Variants in CSMD1 observed in about 807,000 individuals in gnomAD.
CSMD1 encodes CUB and Sushi multiple domains 1.
CSMD1 carries 213 observed loss-of-function variants against 417.5 expected under a neutral mutation model. The ratio of observed to expected loss-of-function variants is 0.51; its 90% CI spans 0.46 to 0.57. The LOEUF (loss-of-function observed/expected upper bound fraction) is 0.57, where lower values mean the gene tolerates loss of function less well. CSMD1 is among the 20% of genes least tolerant of loss of function. The probability of loss-of-function intolerance (pLI) is 0.00; values close to 1 mark genes in which losing one functional copy is unlikely to be tolerated. For synonymous variants in CSMD1, 2,862 were observed against 1,736.8 expected, an observed-to-expected ratio of 1.65 and a Z score of -16.11; for missense variants, 6,923 against 4,529.7, an observed-to-expected ratio of 1.53 and a Z score of -15.17.
chr8:3,938,272 G>C (rs1406134099), intron 5 of CSMD1, among the ~76,000 whole-genome samples: 2 of 152,094 alleles, frequency 1.3e-5, no homozygotes, highest in East Asian at 1.9e-4. Flanking sequence ...AATCTACAGA[G>C]CACAAGGGAA....
At chr8:3,920,547 T>A (rs574123674) in intron 5 of CSMD1, among the ~76,000 whole-genome samples, 1 of 152,154 alleles carries the variant, frequency 6.6e-6, no homozygotes, top group Non-Finnish European at 1.5e-5. Context: ...AGGCAACTTG[T>A]CTTGTTCTTA....
At position 3,329,892 on chromosome 8, in the gene CSMD1, C is replaced by T. The variant is rs77150422; in HGVS notation, c.3631+13402G>A. 8.2e-3 allele frequency among the ~76,000 whole-genome samples: 1,251 copies of T among 152,266 alleles called. 22 individuals carry two copies. Among genetic ancestry groups the T allele is most frequent in the African/African-American group, 0.028 (1,167 of 41,556 alleles). ...GTCTCTTTAGAGGCTCATGGAAATG[C>T]TTTGATTTCCTTAAATCAGAAGAAA... On this transcript the variant is annotated intron_variant, in intron 23 of 69. Transcript: ENST00000635120.
intron 3 of CSMD1, among the ~76,000 whole-genome samples, chr8:4,298,981 T>C (rs1337150666): frequency 6.6e-6 from 1 of 152,094 alleles, no homozygotes; most frequent in Non-Finnish European, 1.5e-5. Flanking sequence ...ATGAAAGTGT[T>C]GCTTTGCAGA....
intron 57 of CSMD1, among the ~76,000 whole-genome samples, chr8:2,971,940 T>C (rs1199122027): frequency 6.6e-6 from 1 of 152,160 alleles, no homozygotes; most frequent in Non-Finnish European, 1.5e-5. Context: ...TCTTGGATTA[T>C]CATGTTTGTG....
In CSMD1 at chr8:3,259,448, A is replaced by G. The variant is rs558150836; in HGVS notation, c.4153+24696T>C. On this transcript the variant is annotated intron_variant, in intron 26 of 69. Transcript: ENST00000635120. The stretch of plus-strand genomic sequence containing the variant: ...TGAGTGAATGAATGAATGAATGAGA[A>G]CCCAGGATGCATATCATTCTTAAGT... Among the ~76,000 whole-genome samples, 41 of 143,220 alleles carry G rather than the reference A, an allele frequency of 2.9e-4. 1 individual carries two copies. The highest frequency in any genetic ancestry group is 1.5e-3 in the Admixed American group (21 of 14,086). The allele number at this position is 143,220 out of a possible 152,430, so 94.0% of individuals were successfully genotyped here.
intron 12 of CSMD1, among the ~76,000 whole-genome samples, chr8:3,430,921 C>T (rs762281600): frequency 6.6e-6 from 1 of 152,132 alleles, no homozygotes; most frequent in Non-Finnish European, 1.5e-5. Flanking sequence ...ATATTCTAAG[C>T]ATTGAATAGT....
intron 2 of CSMD1, among the ~76,000 whole-genome samples, chr8:4,528,343 G>T (rs182892072): frequency 6.6e-6 from 1 of 152,228 alleles, no homozygotes; most frequent in African/African-American, 2.4e-5. Flanking sequence ...AAGAAGGTGG[G>T]ATCCAGGAAG....
chr8:3,493,874 G>T, intron 10 of CSMD1, 148 bp from the exon 11 acceptor site: 1 of 548,946 alleles, frequency 1.8e-6, no homozygotes, highest in Admixed American at 3.4e-5. Context: ...GTAGTTACAT[G>T]GATAATTATA....
chr8:3,128,832 C>A (rs1186209140), intron 41 of CSMD1: 1 of 448,316 alleles, frequency 2.2e-6, no homozygotes, highest in South Asian at 1.6e-5. Flanking sequence ...GTCCTTTCTT[C>A]TCCTTGACAT....
intron 18 of CSMD1, among the ~76,000 whole-genome samples, chr8:3,379,282 T>C (rs941768520): frequency 2.6e-5 from 4 of 152,196 alleles, no homozygotes; most frequent in African/African-American, 9.6e-5. Flanking sequence ...TCCATGCTCA[T>C]GGATAGGAAA....
intron 10 of CSMD1, among the ~76,000 whole-genome samples, chr8:3,497,072 C>T (rs1201247546): frequency 6.6e-6 from 1 of 152,096 alleles, no homozygotes; most frequent in African/African-American, 2.4e-5. Context: ...ACGATCAGTC[C>T]TGAAGAATAT....
At position 4,585,876 on chromosome 8, in the gene CSMD1, T is replaced by C. The variant is rs149160494; in HGVS notation, c.302+51466A>G. Among the ~76,000 whole-genome samples, 1,077 of 152,272 alleles carry C rather than the reference T, an allele frequency of 7.1e-3. 15 individuals carry two copies. The highest frequency in any genetic ancestry group is 0.025 in the African/African-American group (1,033 of 41,558). ...TTAGATGAAAGCATGCAGGTAAAGA[T>C]GGAATAAACAGCAATACAAAATGTA... On this transcript the variant is annotated intron_variant, in intron 2 of 69. Transcript: ENST00000635120.
intron 62 of CSMD1, among the ~76,000 whole-genome samples, chr8:2,959,620 G>T (rs1051870608): frequency 2.0e-5 from 3 of 152,116 alleles, no homozygotes; most frequent in African/African-American, 7.2e-5. Context: ...TAACCCTGGA[G>T]CTACGGGTTT....
At chr8:4,186,155 A>T (rs1798663743) in intron 3 of CSMD1, among the ~76,000 whole-genome samples, 1 of 152,214 alleles carries the variant, frequency 6.6e-6, no homozygotes, top group South Asian at 2.1e-4. Flanking sequence ...CCACTGGAGC[A>T]TATGAGAAGC....
chr8:4,355,836 C>A (rs552509336), intron 3 of CSMD1, among the ~76,000 whole-genome samples: 32 of 152,192 alleles, frequency 2.1e-4, no homozygotes, highest in Non-Finnish European at 3.5e-4. Flanking sequence ...AGATTCCAGG[C>A]CGAAAGTAGA....
intron 1 of CSMD1, among the ~76,000 whole-genome samples, chr8:4,788,861 C>A (rs778163952): frequency 6.6e-6 from 1 of 152,210 alleles, no homozygotes; most frequent in African/African-American, 2.4e-5. Flanking sequence ...TCTCCCTGCT[C>A]CTTCCTGACT....
intron 1 of CSMD1, 133 bp downstream of exon 1, chr8:4,994,199 C>T (rs1811633614): frequency 2.7e-6 from 2 of 742,294 alleles, no homozygotes; most frequent in South Asian, 3.5e-5. Context: ...GTTCCCCGAG[C>T]TTCGGCGATG....
intron 2 of CSMD1, among the ~76,000 whole-genome samples, chr8:4,577,459 A>G (rs1275785571): frequency 6.6e-6 from 1 of 152,094 alleles, no homozygotes; most frequent in Admixed American, 6.6e-5. Context: ...CCCAGCTCCA[A>G]GCGTGCTCCC....
rs138359255 is a variant in CSMD1 at position 3,439,665 on chromosome 8, C to T, written c.1561+29047G>A. The stretch of plus-strand genomic sequence containing the variant: ...TTTTTCATTTTGATAAGGTAATAAT[C>T]AATTATTTGGTAAATAATTCCAATT... On this transcript the variant is annotated intron_variant, in intron 12 of 69. Coordinates refer to ENST00000635120, the MANE Select transcript of CSMD1 (RefSeq NM_033225.6). 4.4e-3 allele frequency among the ~76,000 whole-genome samples: 669 copies of T among 152,010 alleles called. 2 individuals carry two copies. Among genetic ancestry groups the T allele is most frequent in the Middle Eastern group, 0.034 (10 of 294 alleles).
Sources: allele counts gnomAD v4.1 joint callset (sites outside exome capture counted in the v4.1 genomes callset), GRCh38; gene constraint gnomAD v4.1.1; transcripts MANE v1.5; gene names NCBI Gene and HGNC (gene_info 2026-07-23, HGNC 2026-07-21).